Variants in EXOC4 observed in about 807,000 individuals in gnomAD.
EXOC4 encodes exocyst complex component 4, also known as SEC8-like 1.
EXOC4 carries 71 observed loss-of-function variants against 107.2 expected under a neutral mutation model. That is an observed-to-expected ratio of 0.66 (90% CI 0.55 to 0.81). The LOEUF (loss-of-function observed/expected upper bound fraction) is 0.81. Ranked by LOEUF, EXOC4 falls within the 30% of genes least tolerant of loss-of-function variation. EXOC4 has a pLI of 0.00. For missense variants in EXOC4, 1,108 were observed against 1,189.6 expected, an observed-to-expected ratio of 0.93 and a Z score of 1.01; for synonymous variants, 456 against 441.2, an observed-to-expected ratio of 1.03 and a Z score of -0.42.
chr7:134,049,347 A>G (rs772697462), intron 17 of EXOC4, among the ~76,000 whole-genome samples: 10 of 152,136 alleles, frequency 6.6e-5, no homozygotes, highest in Non-Finnish European at 1.3e-4. Flanking sequence ...CATGGCCCAC[A>G]GGTCTGTTAG....
At chr7:133,823,591 G>A (rs879733938) in intron 11 of EXOC4, among the ~76,000 whole-genome samples, 9 of 151,482 alleles carry the variant, frequency 5.9e-5, no homozygotes, top group Non-Finnish European at 1.3e-4. Flanking sequence ...GAGGCGGATG[G>A]ATCACTTGAG....
intron 2 of EXOC4, among the ~76,000 whole-genome samples, chr7:133,278,663 T>A (rs1329410648): frequency 1.3e-5 from 2 of 151,746 alleles, no homozygotes; most frequent in African/African-American, 4.8e-5. Flanking sequence ...AGGAGAGAGA[T>A]GAGAGAGCTA....
intron 10 of EXOC4, among the ~76,000 whole-genome samples, chr7:133,743,423 G>A (rs895582659): frequency 6.6e-6 from 1 of 152,164 alleles, no homozygotes; most frequent in Non-Finnish European, 1.5e-5. Flanking sequence ...TGATGGCATG[G>A]GAAGAATAGA....
intron 9 of EXOC4, chr7:133,576,919 G>T: frequency 8.0e-7 from 1 of 1,252,620 alleles, no homozygotes; most frequent in African/African-American, 1.5e-5. Context: ...TTGCTTTCCA[G>T]ATCTCTTATT....
chr7:133,755,578 G>A (rs180773962), intron 10 of EXOC4, among the ~76,000 whole-genome samples: 7 of 151,494 alleles, frequency 4.6e-5, no homozygotes, highest in East Asian at 2.0e-4. Flanking sequence ...TCCTGACCTC[G>A]TGATCCACCC....
At chr7:133,627,137 T>C (rs1273936535) in intron 9 of EXOC4, among the ~76,000 whole-genome samples, 1 of 152,172 alleles carries the variant, frequency 6.6e-6, no homozygotes, top group African/African-American at 2.4e-5. Context: ...TGTGTTAAGG[T>C]TCATAATGGG....
chr7:134,073,232 A>AAAAAAAAAAAAAC, the EXOC4 span, among the ~76,000 whole-genome samples: 7 of 10,714 alleles, frequency 6.5e-4, no homozygotes, highest in African/African-American at 3.2e-3. Context: ...AAAAAAAAAA[A>AAAAAAAAAAAAAC]CAACAAAGAA....
In EXOC4 at chr7:133,512,688, G is replaced by T. The variant is rs549945396; in HGVS notation, c.1417+32550G>T. On this transcript the variant is annotated intron_variant, in intron 9 of 17. Transcript: ENST00000253861. The stretch of plus-strand genomic sequence containing the variant: ...AACCAAACCAAACAAAAACAAACTG[G>T]AGAGTTAACTGAGCTTAGGTCATTC... Among the ~76,000 whole-genome samples, 13 of 152,290 alleles carry T rather than the reference G, an allele frequency of 8.5e-5. No individual in the cohort carries two copies. The East Asian group carries it at 2.3e-3, about 27-fold the overall frequency.
At chr7:133,412,727 C>A (rs1270852319) in intron 7 of EXOC4, among the ~76,000 whole-genome samples, 3 of 151,986 alleles carry the variant, frequency 2.0e-5, no homozygotes, top group African/African-American at 7.2e-5. Flanking sequence ...CATCAAGCAT[C>A]AGAAAAAAGT....
chr7:133,651,418 T>G (rs764890658), intron 10 of EXOC4, among the ~76,000 whole-genome samples: 75 of 152,334 alleles, frequency 4.9e-4, no homozygotes, highest in Non-Finnish European at 9.1e-4. Flanking sequence ...GTATTTGTTT[T>G]GAATTGAACA....
At chr7:133,655,198 T>G (rs1803261306) in intron 10 of EXOC4, among the ~76,000 whole-genome samples, 1 of 152,062 alleles carries the variant, frequency 6.6e-6, no homozygotes, top group Non-Finnish European at 1.5e-5. Flanking sequence ...ATAAACTTTA[T>G]TTTAAAAATT....
intron 5 of EXOC4, among the ~76,000 whole-genome samples, chr7:133,339,712 G>C (rs1455026044): frequency 1.3e-5 from 2 of 152,154 alleles, no homozygotes; most frequent in Non-Finnish European, 2.9e-5. Context: ...TTTCCTTGTA[G>C]AGGTCTTTCA....
intron 10 of EXOC4, among the ~76,000 whole-genome samples, chr7:133,652,082 C>T (rs764869889): frequency 2.0e-5 from 3 of 152,244 alleles, no homozygotes; most frequent in Middle Eastern, 6.8e-3. Context: ...CCAAGTAATT[C>T]GGCTGTGATG....
At chr7:133,642,005 G>T (rs986785374) in intron 10 of EXOC4, among the ~76,000 whole-genome samples, 1 of 152,080 alleles carries the variant, frequency 6.6e-6, no homozygotes, top group Non-Finnish European at 1.5e-5. Flanking sequence ...TGCTTTATAA[G>T]CCTCAACTCA....
At chr7:133,735,882 G>A (rs896048527) in intron 10 of EXOC4, among the ~76,000 whole-genome samples, 2 of 151,908 alleles carry the variant, frequency 1.3e-5, no homozygotes, top group African/African-American at 4.8e-5. Context: ...AGGTTAGTTC[G>A]AAACCAGCCT....
the EXOC4 span, among the ~76,000 whole-genome samples, chr7:134,080,377 A>C: frequency 6.6e-6 from 1 of 152,058 alleles, no homozygotes; most frequent in Admixed American, 6.6e-5. Context: ...AGGTTGGAGA[A>C]TAATTCAGTG....
chr7:133,315,352 T>C (rs1355501141), intron 4 of EXOC4: 1 of 152,270 alleles, frequency 6.6e-6, no homozygotes, highest in African/African-American at 2.4e-5. Flanking sequence ...GGTGTTTGCC[T>C]CTCTTTTCGG....
chr7:133,527,913 A>C (rs1800110649), intron 9 of EXOC4, among the ~76,000 whole-genome samples: 1 of 152,156 alleles, frequency 6.6e-6, no homozygotes, highest in Non-Finnish European at 1.5e-5. Context: ...TCCTTTTTGT[A>C]CTTGATCAGA....
At chr7:133,277,086 C>G (rs527521835) in intron 2 of EXOC4, among the ~76,000 whole-genome samples, 1 of 152,068 alleles carries the variant, frequency 6.6e-6, no homozygotes, top group Admixed American at 6.5e-5. Flanking sequence ...CTCAGCCTCC[C>G]GAGTAGCTGG....
Sources: gnomAD v4.1 joint callset for allele counts (sites outside exome capture counted in the v4.1 genomes callset) on GRCh38, gnomAD v4.1.1 for gene constraint, MANE v1.5 for transcripts, NCBI Gene and HGNC (gene_info 2026-07-23, HGNC 2026-07-21) for gene names.